Variants in C1orf21 observed in about 807,000 individuals in gnomAD.
C1orf21 encodes the protein uncharacterized protein C1orf21.
C1orf21 carries 3 observed loss-of-function variants against 18.7 expected under a neutral mutation model. The observed-to-expected ratio is 0.16, with a 90% CI of 0.07 to 0.42. The LOEUF (loss-of-function observed/expected upper bound fraction) is 0.42. C1orf21 is among the 10% of genes least tolerant of loss of function. C1orf21 has a pLI of 0.99. For synonymous variants in C1orf21, 41 were observed against 46.4 expected (o/e 0.88, Z 0.47); for missense variants, 104 against 143.6 (o/e 0.72, Z 1.41).
intron 3 of C1orf21, among the ~76,000 whole-genome samples, chr1:184,549,347 A>G (rs1164034018): frequency 1.3e-5 from 2 of 152,244 alleles, no homozygotes; most frequent in South Asian, 2.1e-4. Context: ...TTTTAAATTA[A>G]TGAAGTAGAA....
chr1:184,585,365 T>C (rs926286309), intron 3 of C1orf21, among the ~76,000 whole-genome samples: 1 of 152,232 alleles, frequency 6.6e-6, no homozygotes, highest in African/African-American at 2.4e-5. Context: ...ACCTTCTTAG[T>C]AGACATTGTA....
chr1:184,598,641 A>G (rs1385758344), intron 5 of C1orf21, among the ~76,000 whole-genome samples, 180 bp downstream of exon 5: 2 of 152,214 alleles, frequency 1.3e-5, no homozygotes, highest in Non-Finnish European at 2.9e-5. Context: ...TGTTTAAGGT[A>G]TAATAGACAC....
At chr1:184,543,554 T>C (rs960854836) in intron 3 of C1orf21, among the ~76,000 whole-genome samples, 7 of 152,204 alleles carry the variant, frequency 4.6e-5, no homozygotes, top group African/African-American at 1.7e-4. Flanking sequence ...GCCCTTGGTA[T>C]CTGGGAACTT....
At chr1:184,393,637 C>A (rs2101953461) in intron 1 of C1orf21, among the ~76,000 whole-genome samples, 1 of 152,284 alleles carries the variant, frequency 6.6e-6, no homozygotes, top group South Asian at 2.1e-4. Context: ...CTTCTCTTAG[C>A]TATTACATTC....
intron 3 of C1orf21, among the ~76,000 whole-genome samples, chr1:184,548,082 G>C (rs1419947441): frequency 6.6e-6 from 1 of 152,108 alleles, no homozygotes; most frequent in Non-Finnish European, 1.5e-5. Flanking sequence ...GTTTCCCAAA[G>C]ACCTTGTTAT....
chr1:184,564,514 G>T (rs1443566295), intron 3 of C1orf21, among the ~76,000 whole-genome samples: 1 of 151,956 alleles, frequency 6.6e-6, no homozygotes, highest in Non-Finnish European at 1.5e-5. Flanking sequence ...CACCATGTTG[G>T]CCAGGCTGGT....
intron 1 of C1orf21, among the ~76,000 whole-genome samples, chr1:184,455,710 T>C (rs1657188594): frequency 6.6e-6 from 1 of 152,198 alleles, no homozygotes; most frequent in African/African-American, 2.4e-5. Flanking sequence ...GCATCTAGAA[T>C]GGCTCCTGGC....
chr1:184,572,494 G>A lies in C1orf21; in HGVS notation c.190-18245G>A, dbSNP rs139320742. Among the ~76,000 whole-genome samples, 1,499 of 152,282 alleles carry A rather than the reference G, an allele frequency of 9.8e-3. 30 individuals are homozygous for A. Among genetic ancestry groups the A allele is most frequent in the African/African-American group, 0.035 (1,439 of 41,542 alleles). Reference sequence around the variant, plus strand: ...TGAGTTTTCATTTCAGCAGTTTACTGAAGTGAAATTTAGAGAAATGGGATA... The same window carrying A: ...TGAGTTTTCATTTCAGCAGTTTACTAAAGTGAAATTTAGAGAAATGGGATA... On this transcript the variant is annotated intron_variant, in intron 3 of 5. Coordinates refer to ENST00000235307, the MANE Select transcript of C1orf21 (RefSeq NM_030806.4).
intron 1 of C1orf21, among the ~76,000 whole-genome samples, chr1:184,396,853 T>C (rs1016182631): frequency 1.3e-5 from 2 of 152,170 alleles, no homozygotes; most frequent in African/African-American, 4.8e-5. Context: ...AACTGTAGGG[T>C]TCATGAAGGC....
intron 2 of C1orf21, among the ~76,000 whole-genome samples, chr1:184,505,112 C>G (rs1031177658): frequency 3.3e-5 from 5 of 151,750 alleles, no homozygotes; most frequent in Non-Finnish European, 7.4e-5. Context: ...TATGTCTGCA[C>G]TAGTCTGTGG....
At chr1:184,394,605 A>G (rs1024449655) in intron 1 of C1orf21, among the ~76,000 whole-genome samples, 3 of 152,158 alleles carry the variant, frequency 2.0e-5, no homozygotes, top group African/African-American at 7.2e-5. Flanking sequence ...ACATGAGACA[A>G]TTGAAAGGCC....
intron 3 of C1orf21, among the ~76,000 whole-genome samples, chr1:184,583,274 A>C (rs1324425665): frequency 6.6e-6 from 1 of 152,212 alleles, no homozygotes; most frequent in East Asian, 1.9e-4. Context: ...CAGAGAAACT[A>C]AGAAGAGAAT....
At chr1:184,556,279 T>C (rs1276785372) in intron 3 of C1orf21, among the ~76,000 whole-genome samples, 2 of 152,212 alleles carry the variant, frequency 1.3e-5, no homozygotes, top group Non-Finnish European at 2.9e-5. Flanking sequence ...CTGCAGTGCC[T>C]GCTGACAGGC....
chr1:184,399,021 C>G (rs1483952358), intron 1 of C1orf21, among the ~76,000 whole-genome samples: 1 of 151,932 alleles, frequency 6.6e-6, no homozygotes, highest in Non-Finnish European at 1.5e-5. Context: ...AGTCAGAAAG[C>G]AAATTTCCTT....
intron 1 of C1orf21, among the ~76,000 whole-genome samples, chr1:184,432,634 T>C (rs929283161): frequency 6.6e-6 from 1 of 151,902 alleles, no homozygotes; most frequent in African/African-American, 2.4e-5. Flanking sequence ...AACCTGCACG[T>C]TCTCCACATG....
intron 5 of C1orf21, among the ~76,000 whole-genome samples, chr1:184,607,760 T>C (rs182349315): frequency 4.0e-5 from 6 of 151,146 alleles, no homozygotes; most frequent in East Asian, 3.9e-4. Context: ...TATATATACA[T>C]ATATAGAGAG....
chr1:184,461,297 GAGAAGAACCACAAA>G (rs1557978028), intron 1 of C1orf21, among the ~76,000 whole-genome samples: 1 of 152,192 alleles, frequency 6.6e-6, no homozygotes, highest in Non-Finnish European at 1.5e-5. Flanking sequence ...GAGTTGGAGG[GAGAAGAACCACAAA>G]ATTCAGTAAG....
intron 3 of C1orf21, among the ~76,000 whole-genome samples, chr1:184,586,319 G>T (rs1659351815): frequency 1.5e-5 from 2 of 135,524 alleles, no homozygotes; most frequent in South Asian, 4.5e-4. Context: ...GAGTCTCGCT[G>T]TCGCCCAGGC....
intron 1 of C1orf21, among the ~76,000 whole-genome samples, chr1:184,402,862 G>A (rs1273681560): frequency 6.6e-6 from 1 of 152,208 alleles, no homozygotes; most frequent in Non-Finnish European, 1.5e-5. Flanking sequence ...AATATTAAGT[G>A]TTTGGAAAAG....
Sources: gnomAD v4.1 joint callset for allele counts (sites outside exome capture counted in the v4.1 genomes callset) on GRCh38, gnomAD v4.1.1 for gene constraint, MANE v1.5 for transcripts, NCBI Gene and HGNC (gene_info 2026-07-23, HGNC 2026-07-21) for gene names.